CNTN4: variants seen among roughly 807,000 people sequenced by gnomAD.
CNTN4 encodes the protein contactin 4, also known as contactin-4.
In CNTN4, 77 loss-of-function variants were observed where a neutral mutation model predicts 122.5. The ratio of observed to expected loss-of-function variants is 0.63; its 90% CI spans 0.52 to 0.76. CNTN4 has a LOEUF of 0.76. CNTN4 is among the 30% of genes least tolerant of loss of function. The probability of loss-of-function intolerance (pLI) is 0.00; values close to 1 mark genes in which losing one functional copy is unlikely to be tolerated. For missense variants in CNTN4, 1,256 were observed against 1,259.1 expected, an observed-to-expected ratio of 1.00 and a Z score of 0.04; for synonymous variants, 512 against 447.0, an observed-to-expected ratio of 1.15 and a Z score of -1.83.
intron 4 of CNTN4, among the ~76,000 whole-genome samples, chr3:2,609,373 A>G (rs544837164): frequency 6.6e-6 from 1 of 152,282 alleles, no homozygotes; most frequent in South Asian, 2.1e-4. Flanking sequence ...GTGGGCCCTC[A>G]CCAGACCTCA....
intron 2 of CNTN4, among the ~76,000 whole-genome samples, chr3:2,260,017 G>A (rs1375092774): frequency 2.6e-5 from 4 of 152,056 alleles, no homozygotes; most frequent in Admixed American, 2.6e-4. Context: ...TAGGTCATTG[G>A]AATTTTGTAT....
intron 3 of CNTN4, among the ~76,000 whole-genome samples, chr3:2,432,434 A>T (rs1466925261): frequency 6.6e-6 from 1 of 152,220 alleles, no homozygotes; most frequent in Admixed American, 6.5e-5. Context: ...GTGCCAAGAT[A>T]GAGAATAAAG....
rs912528527 is a variant in CNTN4, at chr3:2,709,833, A to G, written c.56-26382A>G. 1.3e-5 allele frequency among the ~76,000 whole-genome samples: 2 copies of G among 152,136 alleles called. No homozygotes were observed. Among genetic ancestry groups the G allele is most frequent in the South Asian group, 2.1e-4 (1 of 4,812 alleles). ...GGAGGCTGAGCCAGGAGAGCCCGGG[A>G]GTCCAGCAGTGAGCTGAGACTGCGC... On this transcript the variant is annotated intron_variant, in intron 4 of 24. Coordinates refer to ENST00000418658, the MANE Select transcript of CNTN4 (RefSeq NM_175607.3). This position sits in a 1 kb window ranked among gnomAD's most constrained non-coding sequence, Gnocchi z 5.0.
chr3:2,272,262 T>C (rs986751723), intron 2 of CNTN4, among the ~76,000 whole-genome samples: 57 of 152,128 alleles, frequency 3.7e-4, no homozygotes, highest in African/African-American at 1.4e-3. Context: ...TCATCCACAA[T>C]CCCAGTTTCT....
At chr3:2,773,991 C>T (rs2091213458) in intron 6 of CNTN4, among the ~76,000 whole-genome samples, 1 of 152,118 alleles carries the variant, frequency 6.6e-6, no homozygotes, top group African/African-American at 2.4e-5. Flanking sequence ...AACTTTGGAC[C>T]TCAAGTGATC....
chr3:2,457,062 A>G (rs1559569125), intron 3 of CNTN4, among the ~76,000 whole-genome samples: 2 of 152,014 alleles, frequency 1.3e-5, no homozygotes, highest in South Asian at 2.1e-4. Context: ...ATTAAACCCA[A>G]TGAGCCAGGT....
chr3:2,220,395 A>G (rs2039016695), intron 2 of CNTN4, among the ~76,000 whole-genome samples: 1 of 152,126 alleles, frequency 6.6e-6, no homozygotes, highest in Non-Finnish European at 1.5e-5. Context: ...CTTATTCATA[A>G]TATGTTTCCA....
At chr3:2,149,776 G>T (rs759533340) in intron 2 of CNTN4, among the ~76,000 whole-genome samples, 19 of 152,008 alleles carry the variant, frequency 1.2e-4, no homozygotes, top group Non-Finnish European at 2.5e-4. Context: ...AAATAACCAG[G>T]TTGTATAGTT....
At chr3:2,229,169 A>G (rs1004237649) in intron 2 of CNTN4, among the ~76,000 whole-genome samples, 2 of 152,218 alleles carry the variant, frequency 1.3e-5, no homozygotes, top group Non-Finnish European at 2.9e-5. Context: ...ATATTGAACC[A>G]GGTCTGTGAA....
intron 2 of CNTN4, among the ~76,000 whole-genome samples, chr3:2,192,590 G>GA (rs1055007973): frequency 6.6e-6 from 1 of 151,552 alleles, no homozygotes; most frequent in Non-Finnish European, 1.5e-5. Flanking sequence ...AAATTTACAA[G>GA]AAAAAAACAA....
chr3:2,538,701 A>C (rs968200883), intron 3 of CNTN4, among the ~76,000 whole-genome samples: 2 of 151,958 alleles, frequency 1.3e-5, no homozygotes, highest in African/African-American at 2.4e-5. Flanking sequence ...TAAAGTTCTT[A>C]AATTGGCTAA....
At chr3:2,657,013 G>A (rs534339410) in intron 4 of CNTN4, among the ~76,000 whole-genome samples, 3 of 152,310 alleles carry the variant, frequency 2.0e-5, no homozygotes, top group East Asian at 3.9e-4. Flanking sequence ...ATGTGATCTG[G>A]AACAGTTCAC....
chr3:2,410,477 T>G (rs1207028026), intron 3 of CNTN4, among the ~76,000 whole-genome samples: 1 of 152,238 alleles, frequency 6.6e-6, no homozygotes, highest in Non-Finnish European at 1.5e-5. Flanking sequence ...AATTAATCCC[T>G]TCTCTTGACA....
At chr3:2,651,813 C>G (rs1320674377) in intron 4 of CNTN4, among the ~76,000 whole-genome samples, 1 of 151,456 alleles carries the variant, frequency 6.6e-6, no homozygotes, top group Non-Finnish European at 1.5e-5. Context: ...AGCAATTTTC[C>G]CTACTTCTTA....
At chr3:2,174,828 G>A (rs551658451) in intron 2 of CNTN4, among the ~76,000 whole-genome samples, 7 of 152,198 alleles carry the variant, frequency 4.6e-5, no homozygotes, top group African/African-American at 7.2e-5. Context: ...AAGCAGGAGC[G>A]GGCACATCAC....
chr3:2,349,929 A>C (rs1720194), intron 3 of CNTN4, among the ~76,000 whole-genome samples: 2 of 151,906 alleles, frequency 1.3e-5, no homozygotes, highest in Admixed American at 6.6e-5. Flanking sequence ...AACAGGATGA[A>C]ATAGCATACA....
chr3:2,382,737 G>A (rs1401924619), intron 3 of CNTN4, among the ~76,000 whole-genome samples: 2 of 152,134 alleles, frequency 1.3e-5, no homozygotes, highest in East Asian at 1.9e-4. Context: ...TAAAGTACAG[G>A]AAGGGTAGCA....
At chr3:2,828,602 A>G (rs1480463390) in intron 7 of CNTN4, among the ~76,000 whole-genome samples, 2 of 152,194 alleles carry the variant, frequency 1.3e-5, no homozygotes, top group African/African-American at 4.8e-5. Context: ...CCATTTCCCA[A>G]CAGAGGAACT....
At chr3:2,239,264 G>A (rs2039830137) in intron 2 of CNTN4, among the ~76,000 whole-genome samples, 2 of 152,134 alleles carry the variant, frequency 1.3e-5, no homozygotes, top group South Asian at 2.1e-4. Flanking sequence ...GCATTACAGA[G>A]TTTGATTTAT....
Sources: allele counts gnomAD v4.1 joint callset (sites outside exome capture counted in the v4.1 genomes callset), GRCh38; gene constraint gnomAD v4.1.1; non-coding constraint Gnocchi (gnomAD v3.1); transcripts MANE v1.5; gene names NCBI Gene and HGNC (gene_info 2026-07-23, HGNC 2026-07-21).